The following NBEA variants were observed in gnomAD, a reference collection of about 807,000 sequenced individuals.
NBEA encodes the protein lysosomal-trafficking regulator 2.
A neutral mutation model predicts 343.4 loss-of-function variants in NBEA; 44 were observed. The observed-to-expected ratio is 0.13, with a 90% CI of 0.10 to 0.16. The LOEUF is 0.16. Ranked by LOEUF, NBEA falls within the 10% of genes least tolerant of loss-of-function variation. The pLI is 1.00. For missense variants in NBEA, 2,555 were observed against 3,631.3 expected (o/e 0.70, Z 7.62); for synonymous variants, 1,175 against 1,238.7 (o/e 0.95, Z 1.08).
At chr13:34,992,198 ATGTGTGTG>A (rs58578283) in intron 1 of NBEA, among the ~76,000 whole-genome samples, 2 of 138,816 alleles carry the variant, frequency 1.4e-5, no homozygotes, top group Non-Finnish European at 3.1e-5. Flanking sequence ...GTGTATATAT[ATGTGTGTG>A]TGTGTGTGTG....
At chr13:34,963,998 A>G (rs1268995742) in intron 1 of NBEA, among the ~76,000 whole-genome samples, 1 of 151,992 alleles carries the variant, frequency 6.6e-6, no homozygotes. Flanking sequence ...AGATGAGGGA[A>G]CTAAAGGTTA....
At chr13:35,643,859 C>A (rs1005543442) in intron 49 of NBEA, among the ~76,000 whole-genome samples, 1 of 152,066 alleles carries the variant, frequency 6.6e-6, no homozygotes, top group African/African-American at 2.4e-5. Context: ...ACCAGGCAAC[C>A]CTCCCATTCA....
intron 41 of NBEA, among the ~76,000 whole-genome samples, chr13:35,539,621 A>T (rs9544583): frequency 0.083 from 12,529 of 151,744 alleles, 784 homozygotes; most frequent in East Asian, 0.31. Context: ...GATTAAAATT[A>T]AAAAGTGCAC....
chr13:35,628,702 G>A (rs1162981174), intron 49 of NBEA, among the ~76,000 whole-genome samples: 1 of 152,160 alleles, frequency 6.6e-6, no homozygotes, highest in African/African-American at 2.4e-5. Context: ...TGAATGGCTT[G>A]AGCCCAGGAG....
intron 34 of NBEA, among the ~76,000 whole-genome samples, chr13:35,234,605 A>G (rs1013125968): frequency 9.2e-5 from 14 of 152,204 alleles, no homozygotes; most frequent in African/African-American, 3.4e-4. Flanking sequence ...CTTGCAGGGC[A>G]CATATTCTTC....
chr13:35,301,511 C>T (rs897218011), intron 35 of NBEA, among the ~76,000 whole-genome samples: 15 of 152,250 alleles, frequency 9.9e-5, no homozygotes, highest in African/African-American at 3.6e-4. Context: ...CTGCAAAGGA[C>T]GTGAACTCGT....
intron 34 of NBEA, among the ~76,000 whole-genome samples, chr13:35,244,013 A>G (rs963670986): frequency 1.3e-5 from 2 of 151,944 alleles, no homozygotes; most frequent in Admixed American, 1.3e-4. Context: ...ACAAGTCTTA[A>G]TACATTAAGA....
At chr13:35,178,080 A>G (rs999570033) in intron 28 of NBEA, among the ~76,000 whole-genome samples, 1 of 151,776 alleles carries the variant, frequency 6.6e-6, no homozygotes, top group African/African-American at 2.4e-5. Context: ...CAGTATCCCT[A>G]GTAGTCAACA....
At chr13:35,615,312 CTG>C (rs2082692773) in intron 48 of NBEA, among the ~76,000 whole-genome samples, 1 of 147,224 alleles carries the variant, frequency 6.8e-6, no homozygotes, top group Non-Finnish European at 1.5e-5. Context: ...AAAAAATTAG[CTG>C]AGGAGTTATT....
At chr13:35,632,390 A>C (rs1363969263) in intron 49 of NBEA, among the ~76,000 whole-genome samples, 2 of 152,160 alleles carry the variant, frequency 1.3e-5, no homozygotes, top group African/African-American at 4.8e-5. Context: ...AGCCTTCCCC[A>C]ACCTACTAAA....
chr13:35,142,227 C>A, intron 17 of NBEA, 42 bp from the exon 18 acceptor site: 1 of 1,261,382 alleles, frequency 7.9e-7, no homozygotes, highest in Non-Finnish European at 1.2e-6. Context: ...TCGGAGAATC[C>A]AATGTGTTTC....
At chr13:35,607,613 T>C (rs2082330592) in intron 48 of NBEA, among the ~76,000 whole-genome samples, 1 of 152,214 alleles carries the variant, frequency 6.6e-6, no homozygotes, top group African/African-American at 2.4e-5. Flanking sequence ...TATTTTATTT[T>C]GTTTTTACAG....
At chr13:35,151,322 T>A (rs2068770833) in intron 18 of NBEA, among the ~76,000 whole-genome samples, 1 of 151,926 alleles carries the variant, frequency 6.6e-6, no homozygotes. Flanking sequence ...GGTGGGTGGA[T>A]CAACTGAGGT....
At chr13:35,394,643 A>G (rs1236394693) in intron 38 of NBEA, among the ~76,000 whole-genome samples, 1 of 152,126 alleles carries the variant, frequency 6.6e-6, no homozygotes, top group Non-Finnish European at 1.5e-5. Flanking sequence ...ACATATGCAT[A>G]TATACAAACA....
At chr13:35,375,615 A>G (rs1469722762) in intron 38 of NBEA, among the ~76,000 whole-genome samples, 1 of 152,106 alleles carries the variant, frequency 6.6e-6, no homozygotes. Context: ...TGTAATACAG[A>G]GAAAGGGACA....
intron 1 of NBEA, among the ~76,000 whole-genome samples, chr13:34,947,167 T>G (rs17051751): frequency 0.016 from 2,408 of 152,170 alleles, 68 homozygotes; most frequent in African/African-American, 0.049. Context: ...AAATTCAGGA[T>G]TCATATGTAA....
At chr13:35,127,428 A>T (rs947969304) in intron 17 of NBEA, among the ~76,000 whole-genome samples, 2 of 152,172 alleles carry the variant, frequency 1.3e-5, no homozygotes, top group Admixed American at 6.5e-5. Context: ...TAACCATAAA[A>T]CTAAGACTAA....
chr13:35,495,795 A>G (rs577445620), intron 41 of NBEA, among the ~76,000 whole-genome samples: 2 of 152,216 alleles, frequency 1.3e-5, no homozygotes, highest in South Asian at 2.1e-4. Context: ...TTAAAATAAT[A>G]CAAAGATTTT....
intron 32 of NBEA, among the ~76,000 whole-genome samples, chr13:35,209,589 G>A (rs1370626545): frequency 2.6e-5 from 4 of 151,776 alleles, no homozygotes; most frequent in African/African-American, 9.7e-5. Flanking sequence ...TCCATTTTAG[G>A]TATTTATACA....
Sources: allele counts gnomAD v4.1 joint callset (sites outside exome capture counted in the v4.1 genomes callset), GRCh38; gene constraint gnomAD v4.1.1; transcripts MANE v1.5; gene names NCBI Gene and HGNC (gene_info 2026-07-23, HGNC 2026-07-21).